GSG1L: variants seen among roughly 807,000 people sequenced by gnomAD.
GSG1L encodes the protein germ cell-specific gene 1-like protein.
A neutral mutation model predicts 42.1 loss-of-function variants in GSG1L; 24 were observed. That is an observed-to-expected ratio of 0.57 (90% CI 0.41 to 0.80). GSG1L has a LOEUF of 0.80. Among genes scored for constraint, GSG1L ranks in the 30% least tolerant of loss-of-function variants. GSG1L has a pLI of 0.00. For synonymous variants in GSG1L, 215 were observed against 203.5 expected, an observed-to-expected ratio of 1.06 and a Z score of -0.48; for missense variants, 445 against 472.2, an observed-to-expected ratio of 0.94 and a Z score of 0.53.
Position 28,063,365 on chromosome 16 carries a change from C to T in GSG1L, c.60G>A (p.Leu20=). Residue 20 remains leucine, a synonymous_variant, in exon 1 of 7, where the codon CTG becomes CTA. Transcript: ENST00000447459. This position sits in a 1 kb window ranked among gnomAD's most constrained non-coding sequence, Gnocchi z 5.8. ...LLAVALNLLA[L]LFATTAFLTT... is the part of the protein sequence containing the mutation. ...TGAGGAAAGCGGTGGTGGCGAACAGCAGCGCCAGCAGGTTCAGGGCCACGG... is the reference window on the plus strand; with the variant it reads ...TGAGGAAAGCGGTGGTGGCGAACAGTAGCGCCAGCAGGTTCAGGGCCACGG... 7.1e-7 allele frequency: 1 copy of T among 1,401,328 alleles called. No individual in the cohort carries two copies. The highest frequency in any genetic ancestry group is 3.4e-5 in the East Asian group (1 of 29,198). The allele number at this position is 1,401,328 out of a possible 1,614,324, so 86.8% of individuals were successfully genotyped here. A position where few individuals can be genotyped will look rare whatever the true frequency, so the allele number is the denominator to read the frequency against.
chr16:27,997,842 T>G (rs1273899024), intron 1 of GSG1L, among the ~76,000 whole-genome samples: 1 of 133,752 alleles, frequency 7.5e-6, no homozygotes. Context: ...CCTCACTCCC[T>G]CCCACCCTCT....
chr16:27,849,819 C>G (rs1360984251), intron 3 of GSG1L, among the ~76,000 whole-genome samples: 1 of 151,826 alleles, frequency 6.6e-6, no homozygotes, highest in Non-Finnish European at 1.5e-5. Context: ...AGCCACTGTG[C>G]CCAGCCTGGG....
At chr16:27,804,061 A>AGATAGATAGATAGAT (rs1225750005) in intron 6 of GSG1L, among the ~76,000 whole-genome samples, 2 of 151,954 alleles carry the variant, frequency 1.3e-5, no homozygotes, top group East Asian at 3.9e-4. Flanking sequence ...ATAGATAGAT[A>AGATAGATAGATAGAT]GATAGATAGA....
chr16:27,901,154 G>A (rs1320137891), intron 2 of GSG1L, among the ~76,000 whole-genome samples: 2 of 152,118 alleles, frequency 1.3e-5, no homozygotes, highest in Non-Finnish European at 2.9e-5. Context: ...AAAATTAGAA[G>A]TATATTAGTA....
intron 1 of GSG1L, among the ~76,000 whole-genome samples, chr16:27,991,508 G>A (rs1164182554): frequency 6.6e-6 from 1 of 151,750 alleles, no homozygotes; most frequent in African/African-American, 2.4e-5. Context: ...CAGTTCAAGT[G>A]ATTCTCCTGC....
chr16:28,007,268 A>T (rs117447620), intron 1 of GSG1L, among the ~76,000 whole-genome samples: 4,048 of 152,288 alleles, frequency 0.027, 66 homozygotes, highest in Non-Finnish European at 0.043. Context: ...GAATCAAAAA[A>T]AGATGATATG....
rs1458770504 is a variant in GSG1L at position 27,789,811 on chromosome 16, T to C, written c.*1559A>G. 6.6e-5 allele frequency: 9 copies of C among 136,736 alleles called. No individual in the cohort carries two copies. The highest frequency in any genetic ancestry group is 2.1e-4 in the African/African-American group (8 of 37,774). The allele number at this position is 136,736 out of a possible 1,614,324, so 8.5% of individuals were successfully genotyped here. Reference sequence around the variant, plus strand: ...GGATAGATAATGGATGGACAGATGATGGATGGATGGATGGGTGGATGGATG... The same window carrying C: ...GGATAGATAATGGATGGACAGATGACGGATGGATGGATGGGTGGATGGATG... On this transcript the variant is annotated 3_prime_UTR_variant, in exon 7 of 7. Transcript: ENST00000447459.
intron 3 of GSG1L, among the ~76,000 whole-genome samples, chr16:27,864,816 C>T (rs1440972844): frequency 6.6e-6 from 1 of 152,194 alleles, no homozygotes; most frequent in Non-Finnish European, 1.5e-5. Flanking sequence ...GGTCTTGGGC[C>T]CTCTCTGCTG....
At chr16:27,997,052 G>A (rs762407769) in intron 1 of GSG1L, among the ~76,000 whole-genome samples, 8 of 152,032 alleles carry the variant, frequency 5.3e-5, no homozygotes, top group Non-Finnish European at 5.9e-5. Context: ...ATGAGCCACC[G>A]CGCCTGGCCT....
chr16:27,971,341 T>C (rs754177212), intron 1 of GSG1L, among the ~76,000 whole-genome samples: 37 of 152,206 alleles, frequency 2.4e-4, no homozygotes, highest in Non-Finnish European at 4.7e-4. Flanking sequence ...TTTTGTAGTT[T>C]TCAGAATATA....
chr16:27,978,565 C>T (rs189397485), intron 1 of GSG1L, among the ~76,000 whole-genome samples: 1 of 152,126 alleles, frequency 6.6e-6, no homozygotes, highest in Admixed American at 6.5e-5. Context: ...GTGGCACACA[C>T]CTGTAATCCC....
At chr16:28,031,680 A>G (rs191432925) in intron 1 of GSG1L, among the ~76,000 whole-genome samples, 12 of 152,334 alleles carry the variant, frequency 7.9e-5, no homozygotes, top group Admixed American at 7.8e-4. Context: ...AAGTTCTCAG[A>G]TTCTCTGTGG....
intron 1 of GSG1L, among the ~76,000 whole-genome samples, chr16:27,967,895 A>G (rs1051464782): frequency 6.6e-6 from 1 of 152,188 alleles, no homozygotes; most frequent in Non-Finnish European, 1.5e-5. Flanking sequence ...CCTAGGTGAC[A>G]GGGTGAGACT....
At chr16:27,903,224 C>T (rs530920416) in intron 2 of GSG1L, among the ~76,000 whole-genome samples, 55 of 152,196 alleles carry the variant, frequency 3.6e-4, no homozygotes, top group African/African-American at 1.3e-3. Flanking sequence ...GCAGAAGAGG[C>T]TACTTGATCC....
chr16:27,844,973 G>A lies in GSG1L; in HGVS notation c.639C>T (p.Ser213=). The change falls in exon 4 of 7, where the codon TCC becomes TCT. Residue 213 remains serine, a synonymous_variant. Coordinates refer to ENST00000447459, the MANE Select transcript of GSG1L (RefSeq NM_001109763.2). ...SLGPEDWRPH[S]WDYGWSFCLA... ...ACCAGAAGGACCACCCGTAGTCCCA[G>A]GAATGGGGTCTCCAGTCCTCAGGAC... The A allele has an allele frequency of 1.9e-6, 3 of 1,611,162 alleles. No homozygotes were observed. Among genetic ancestry groups the A allele is most frequent in the Non-Finnish European group, 2.5e-6 (3 of 1,177,938 alleles).
chr16:27,924,364 G>C (rs1251412835), intron 2 of GSG1L, among the ~76,000 whole-genome samples: 1 of 152,120 alleles, frequency 6.6e-6, no homozygotes, highest in East Asian at 1.9e-4. Flanking sequence ...GCAAGAGAGA[G>C]AGAAATGAAC....
intron 5 of GSG1L, among the ~76,000 whole-genome samples, chr16:27,825,078 T>A (rs2083194471): frequency 6.6e-6 from 1 of 152,112 alleles, no homozygotes; most frequent in Admixed American, 6.5e-5. Flanking sequence ...CACCGAGCAA[T>A]CACATCCTCT....
At chr16:27,980,268 G>A (rs1006200215) in intron 1 of GSG1L, among the ~76,000 whole-genome samples, 2 of 152,294 alleles carry the variant, frequency 1.3e-5, no homozygotes, top group Admixed American at 1.3e-4. Flanking sequence ...ACGAGACAGG[G>A]GGAAGGGGTC....
intron 3 of GSG1L, among the ~76,000 whole-genome samples, chr16:27,853,551 G>GC (rs1189573760): frequency 1.3e-5 from 2 of 152,136 alleles, no homozygotes; most frequent in African/African-American, 4.8e-5. Context: ...TTACTGAGGT[G>GC]CCCCCCAACC....
Sources: allele counts gnomAD v4.1 joint callset (sites outside exome capture counted in the v4.1 genomes callset), GRCh38; gene constraint gnomAD v4.1.1; non-coding constraint Gnocchi (gnomAD v3.1); transcripts MANE v1.5; gene names NCBI Gene and HGNC (gene_info 2026-07-23, HGNC 2026-07-21).